Variants in ZFP90 observed in about 807,000 individuals in gnomAD.
ZFP90 encodes the protein zinc finger protein 90 homolog.
A neutral mutation model predicts 60.8 loss-of-function variants in ZFP90; 38 were observed. The observed-to-expected ratio is 0.62, with a 90% CI of 0.48 to 0.82. The LOEUF is 0.82. ZFP90 is among the 40% of genes least tolerant of loss of function. ZFP90 has a pLI of 0.00. For synonymous variants in ZFP90, 287 were observed against 264.8 expected (o/e 1.08, Z -0.82); for missense variants, 711 against 759.1 (o/e 0.94, Z 0.74).
At chr16:68,556,717 G>A (rs1278817907) in intron 2 of ZFP90, among the ~76,000 whole-genome samples, 1 of 152,192 alleles carries the variant, frequency 6.6e-6, no homozygotes, top group African/African-American at 2.4e-5. Flanking sequence ...CTCGGAATCT[G>A]TTCTTGAGTT....
rs1418734889 is a variant in ZFP90 at position 68,563,375 on chromosome 16, A to C, written c.588A>C (p.Ala196=). The change falls in exon 5 of 5, where the codon GCA becomes GCC. Residue 196 remains alanine, a synonymous_variant. Transcript: ENST00000563169. ...ETLGSNLGHN[A]DLLNENNILA... ...TTGGAAGCAATTTGGGACATAATGC[A>C]GACTTACTTAATGAGAATAATATTC... is the stretch of plus-strand genomic sequence containing the variant. The C allele has an allele frequency of 1.9e-6, 3 of 1,613,946 alleles. No individual in the cohort carries two copies. Among genetic ancestry groups the C allele is most frequent in the Non-Finnish European group, 2.5e-6 (3 of 1,180,020 alleles).
At chr16:68,551,611 G>C (rs761621767) in intron 2 of ZFP90, among the ~76,000 whole-genome samples, 2 of 151,678 alleles carry the variant, frequency 1.3e-5, no homozygotes, top group Non-Finnish European at 2.9e-5. Flanking sequence ...GTAGAGACAG[G>C]GTTTTGCCAG....
At chr16:68,537,473 C>G (rs969318808), upstream of ZFP90, among the ~76,000 whole-genome samples, 3 of 152,174 alleles carry the variant, frequency 2.0e-5, no homozygotes, top group Non-Finnish European at 4.4e-5. Context: ...CTCAGAGAGG[C>G]CTCCCGGTCC....
rs61294264 is a variant in ZFP90, at chr16:68,565,771, A to T, written c.*1073A>T. ...CCCATTGCCATAAATTTTGCCTTGT[A>T]CTCAGAGAAGCAACATGCACTGGCT... On this transcript the variant is annotated 3_prime_UTR_variant, in exon 5 of 5. Transcript: ENST00000563169. The T allele has an allele frequency of 0.02, 20,097 of 985,346 alleles. 940 individuals carry two copies. The highest frequency in any genetic ancestry group is 0.17 in the African/African-American group (9,854 of 57,252). 61.0% of individuals were successfully genotyped at this position (985,346 alleles called of 1,614,324 possible).
chr16:68,561,838 G>A (rs899717176), intron 4 of ZFP90, among the ~76,000 whole-genome samples: 1 of 152,116 alleles, frequency 6.6e-6, no homozygotes, highest in African/African-American at 2.4e-5. Context: ...AGGGTAAGGA[G>A]TTTGGGGATT....
chr16:68,539,650 G>C, intron 1 of ZFP90, 108 bp from the exon 2 acceptor site: 1 of 865,316 alleles, frequency 1.2e-6, no homozygotes, highest in Non-Finnish European at 1.6e-6. Flanking sequence ...CACGGTCCTC[G>C]CCACCATCTC....
chr16:68,539,258 G>T (rs2090988968), upstream of ZFP90: 1 of 153,944 alleles, frequency 6.5e-6, no homozygotes, highest in East Asian at 1.9e-4. Context: ...TGGACCCGGG[G>T]TTGCAGGAGC....
At position 68,564,069 on chromosome 16, in the gene ZFP90, A is replaced by G; in HGVS notation, c.1282A>G (p.Ser428Gly). Residue 428 changes from serine to glycine, a missense_variant, in exon 5 of 5, where the codon AGC becomes GGC. Around this residue, in one of 5 missense-constraint regions of ZFP90, gnomAD observed 295 missense variants for 274.0 expected, o/e 1.08. Transcript: ENST00000563169. ...RGKPYQSSNYSIDFKHSTSLT... is the reference protein window; with the variant it reads ...RGKPYQSSNYGIDFKHSTSLT... ...CAAACCTTACCAAAGCAGTAACTAC[A>G]GCATAGATTTCAAGCACAGCACATC... 6.2e-7 allele frequency: 1 copy of G among 1,614,148 alleles called. No individual in the cohort carries two copies. The highest frequency in any genetic ancestry group is 8.5e-7 in the Non-Finnish European group (1 of 1,180,014).
chr16:68,558,500 T>C lies in ZFP90; in HGVS notation c.188T>C (p.Ile63Thr). 6.2e-7 allele frequency: 1 copy of C among 1,614,010 alleles called. No individual in the cohort carries two copies. Among genetic ancestry groups the C allele is most frequent in the Non-Finnish European group, 8.5e-7 (1 of 1,180,004 alleles). Reference protein sequence around the residue: ...LGYQVSKPEVIFKLEQGEEPW... With the variant: ...LGYQVSKPEVTFKLEQGEEPW... Reference sequence around the variant, plus strand: ...TATCAAGTTTCCAAGCCAGAGGTGATCTTCAAATTGGAGCAAGGAGAAGAG... The same window carrying C: ...TATCAAGTTTCCAAGCCAGAGGTGACCTTCAAATTGGAGCAAGGAGAAGAG... The change falls in exon 4 of 5, where the codon ATC becomes ACC. Residue 63 changes from isoleucine to threonine, a missense_variant. By Grantham distance (89) the Ile-to-Thr change is moderately conservative. Around this residue, in one of 5 missense-constraint regions of ZFP90, gnomAD observed 241 missense variants for 247.6 expected, o/e 0.97. Coordinates refer to ENST00000563169, the MANE Select transcript of ZFP90 (RefSeq NM_001305203.2).
rs745681165 is a variant in ZFP90, at chr16:68,564,523, A to C, written c.1736A>C (p.Lys579Thr). ...IQHERTHTGEKPYECNECGRA... is the reference protein window; with the variant it reads ...IQHERTHTGETPYECNECGRA... ...CATGAGAGAACTCATACTGGAGAGA[A>C]GCCCTATGAATGTAATGAATGTGGG... Residue 579 changes from lysine (K) to threonine (T), a missense_variant, in exon 5 of 5, where the codon AAG becomes ACG. Physicochemically the swap from Lys to Thr is moderately conservative, Grantham distance 78. Coordinates refer to ENST00000563169, the MANE Select transcript of ZFP90 (RefSeq NM_001305203.2). 9 of 1,614,096 alleles carry C rather than the reference A, an allele frequency of 5.6e-6. No homozygotes were observed. The South Asian group carries it at 8.8e-5, about 16-fold the overall frequency.
rs751620565 is a variant in ZFP90, at chr16:68,566,550, A to T, written c.*1852A>T. ...GGCTGAAATGTAATATGTGTAGCTC[A>T]ATTAGTCTCTCCTCTGTGATGCAAA... On this transcript the variant is annotated 3_prime_UTR_variant, in exon 5 of 5. Coordinates refer to ENST00000563169, the MANE Select transcript of ZFP90 (RefSeq NM_001305203.2). The T allele has an allele frequency of 2.0e-4, 201 of 985,408 alleles. No homozygotes were observed. Among genetic ancestry groups the T allele is most frequent in the Non-Finnish European group, 2.3e-4 (192 of 829,938 alleles). 61.0% of individuals were successfully genotyped at this position (985,408 alleles called of 1,614,324 possible). A position where few individuals can be genotyped will look rare whatever the true frequency, so the allele number is the denominator to read the frequency against.
downstream of ZFP90, among the ~76,000 whole-genome samples, chr16:68,567,589 T>G (rs766588067): frequency 5.3e-5 from 8 of 152,316 alleles, no homozygotes; most frequent in Middle Eastern, 3.4e-3. Flanking sequence ...GGAACCTGAT[T>G]TCTTACCAGA....
At position 68,561,675 on chromosome 16, in the gene ZFP90, A is replaced by C. The variant is rs370386408; in HGVS notation, c.257-1369A>C. Among the ~76,000 whole-genome samples, 593 of 152,326 alleles carry C rather than the reference A, an allele frequency of 3.9e-3. 8 individuals are homozygous for C. The highest frequency in any genetic ancestry group is 0.014 in the African/African-American group (571 of 41,572). On this transcript the variant is annotated intron_variant, in intron 4 of 4. Coordinates refer to ENST00000563169, the MANE Select transcript of ZFP90 (RefSeq NM_001305203.2). ...AGAGCATATAGAAAGCAATCAGAAC[A>C]TACTTGACTGATCAGTAAGAAATCT...
Position 68,567,121 on chromosome 16 carries a change from T to A in ZFP90, c.*2423T>A. On this transcript the variant is annotated 3_prime_UTR_variant, in exon 5 of 5. Coordinates refer to ENST00000563169, the MANE Select transcript of ZFP90 (RefSeq NM_001305203.2). ...ATTGTATTCTTTCAATAAATAGCCTTCTGAGTTGAATGGGAGTCAGTTTGT... is the reference window on the plus strand; with the variant it reads ...ATTGTATTCTTTCAATAAATAGCCTACTGAGTTGAATGGGAGTCAGTTTGT... The A allele has an allele frequency of 1.0e-6, 1 of 985,580 alleles. No homozygotes were observed. Among genetic ancestry groups the A allele is most frequent in the Non-Finnish European group, 1.2e-6 (1 of 829,930 alleles). The allele number at this position is 985,580 out of a possible 1,614,324, so 61.1% of individuals were successfully genotyped here.
At chr16:68,560,172 G>A (rs532891820) in intron 4 of ZFP90, among the ~76,000 whole-genome samples, 54 of 152,260 alleles carry the variant, frequency 3.5e-4, no homozygotes, top group African/African-American at 1.2e-3. Context: ...AGAGCATAGA[G>A]GTCAGTGGTT....
chr16:68,541,923 G>C (rs893950710), intron 2 of ZFP90, among the ~76,000 whole-genome samples: 1 of 152,132 alleles, frequency 6.6e-6, no homozygotes, highest in South Asian at 2.1e-4. Context: ...TTCCCTGAAC[G>C]CCCTGGCTCA....
intron 1 of ZFP90, 102 bp from the exon 2 acceptor site, chr16:68,539,656 A>C: frequency 4.4e-6 from 4 of 906,646 alleles, no homozygotes; most frequent in Non-Finnish European, 4.6e-6. Context: ...CCTCGCCACC[A>C]TCTCCCCTGG....
In ZFP90 at chr16:68,564,926, G is replaced by A; in HGVS notation, c.*228G>A. ...AGCTACATGTATGTAGCTGGTTGGG[G>A]ATGATATGCCTGTATGTTGGACTTT... On this transcript the variant is annotated 3_prime_UTR_variant, in exon 5 of 5. Coordinates refer to ENST00000563169, the MANE Select transcript of ZFP90 (RefSeq NM_001305203.2). The A allele has an allele frequency of 7.7e-7, 1 of 1,291,926 alleles. No individual in the cohort carries two copies. The highest frequency in any genetic ancestry group is 9.8e-7 in the Non-Finnish European group (1 of 1,022,470). 80.0% of individuals were successfully genotyped at this position (1,291,926 alleles called of 1,614,324 possible).
At chr16:68,561,424 G>T (rs975116790) in intron 4 of ZFP90, among the ~76,000 whole-genome samples, 1 of 151,992 alleles carries the variant, frequency 6.6e-6, no homozygotes, top group Non-Finnish European at 1.5e-5. Flanking sequence ...AAAGCCATTT[G>T]TTCTTTGAGT....
Sources: gnomAD v4.1 joint callset for allele counts (sites outside exome capture counted in the v4.1 genomes callset) on GRCh38, gnomAD v4.1.1 for gene constraint, gnomAD v4.1.1 regional missense constraint, MANE v1.5 for transcripts, NCBI Gene and HGNC (gene_info 2026-07-23, HGNC 2026-07-21) for gene names.